The following NTM variants were observed in gnomAD, a reference collection of about 807,000 sequenced individuals.
NTM encodes neurotrimin.
In NTM, 13 loss-of-function variants were observed where a neutral mutation model predicts 42.1. The observed-to-expected ratio is 0.31, with a 90% CI of 0.20 to 0.49. NTM has a LOEUF of 0.49. NTM is among the 20% of genes least tolerant of loss of function. The probability of loss-of-function intolerance (pLI) is 0.99; values close to 1 mark genes in which losing one functional copy is unlikely to be tolerated. For synonymous variants in NTM, 187 were observed against 179.2 expected (o/e 1.04, Z -0.35); for missense variants, 373 against 452.8 (o/e 0.82, Z 1.60).
chr11:131,806,570 C>A (rs567626259), intron 1 of NTM, among the ~76,000 whole-genome samples: 37 of 152,174 alleles, frequency 2.4e-4, no homozygotes, highest in African/African-American at 8.4e-4. Flanking sequence ...TTTATATTAT[C>A]TGTACTACCC....
chr11:131,615,080 C>T (rs968830112), intron 1 of NTM, among the ~76,000 whole-genome samples: 4 of 152,232 alleles, frequency 2.6e-5, no homozygotes, highest in Non-Finnish European at 4.4e-5. Flanking sequence ...TGAGCAGATA[C>T]ATTTCTAGAC....
At chr11:131,868,116 G>C (rs937923470) in intron 1 of NTM, among the ~76,000 whole-genome samples, 2 of 152,110 alleles carry the variant, frequency 1.3e-5, no homozygotes, top group Non-Finnish European at 2.9e-5. Flanking sequence ...GGAGATAAGG[G>C]TCCCCCTGTA....
Position 131,932,659 on chromosome 11 carries a change from A to G in NTM, c.167+21011A>G, listed in dbSNP as rs201776546. Among the ~76,000 whole-genome samples, 21 of 152,324 alleles carry G rather than the reference A, an allele frequency of 1.4e-4. 1 individual carries two copies. In the South Asian group the frequency reaches 4.3e-3, roughly 32 times the overall value. On this transcript the variant is annotated intron_variant, in intron 2 of 8. Coordinates refer to ENST00000683400, the MANE Select transcript of NTM (RefSeq NM_001352005.2). ...ATCAGCAGACAAGGAATAGGAGATG[A>G]TGCTGATGGTGGTGATGATTTATAC...
At chr11:131,801,904 C>A (rs577596674) in intron 1 of NTM, among the ~76,000 whole-genome samples, 1 of 152,136 alleles carries the variant, frequency 6.6e-6, no homozygotes, top group East Asian at 1.9e-4. Flanking sequence ...CTGTGCCACC[C>A]ACACAGACCT....
chr11:131,405,134 C>T (rs956491054), intron 1 of NTM, among the ~76,000 whole-genome samples: 3 of 152,070 alleles, frequency 2.0e-5, no homozygotes, highest in African/African-American at 7.2e-5. Context: ...TGGGCAAATC[C>T]CTTGGAATAG....
At chr11:131,686,801 T>G (rs527940097) in intron 1 of NTM, among the ~76,000 whole-genome samples, 1 of 152,260 alleles carries the variant, frequency 6.6e-6, no homozygotes, top group South Asian at 2.1e-4. Context: ...TTGATTTCCT[T>G]TGATGTTTTC....
At chr11:132,196,687 C>T (rs961839373) in intron 3 of NTM, among the ~76,000 whole-genome samples, 1 of 152,044 alleles carries the variant, frequency 6.6e-6, no homozygotes, top group African/African-American at 2.4e-5. Context: ...ACACCAAATA[C>T]GGCATGTTCC....
intron 2 of NTM, among the ~76,000 whole-genome samples, chr11:131,960,884 G>T (rs779261788): frequency 6.6e-6 from 1 of 152,170 alleles, no homozygotes; most frequent in Non-Finnish European, 1.5e-5. Flanking sequence ...AGATTCAGGT[G>T]CAGGAGGGTC....
At chr11:131,383,065 CCT>C (rs1333481173) in intron 1 of NTM, among the ~76,000 whole-genome samples, 4 of 152,094 alleles carry the variant, frequency 2.6e-5, no homozygotes, top group Non-Finnish European at 5.9e-5. Flanking sequence ...CTTTATTGCC[CCT>C]GTGTCCATTG....
chr11:131,487,862 C>T (rs944216935), intron 1 of NTM, among the ~76,000 whole-genome samples: 28 of 152,138 alleles, frequency 1.8e-4, no homozygotes, highest in African/African-American at 6.0e-4. Context: ...GGAGAAGGGA[C>T]GGAATGGGGA....
intron 1 of NTM, among the ~76,000 whole-genome samples, chr11:131,678,883 G>A (rs2071917848): frequency 6.6e-6 from 1 of 152,224 alleles, no homozygotes; most frequent in Admixed American, 6.5e-5. Context: ...GAGAGAGAGT[G>A]GTTCAGGAGC....
intron 2 of NTM, among the ~76,000 whole-genome samples, chr11:132,045,163 T>C (rs919693014): frequency 1.3e-5 from 2 of 152,174 alleles, no homozygotes. Context: ...AGGCTGTCTG[T>C]TGCGTTCTGT....
intron 1 of NTM, chr11:131,537,811 A>G (rs2052515688): frequency 6.6e-6 from 1 of 152,374 alleles, no homozygotes; most frequent in African/African-American, 2.4e-5. Flanking sequence ...TGCACTAAGC[A>G]TGGATTCCAT....
chr11:132,066,195 GTCT>G (rs1174517534), intron 2 of NTM, among the ~76,000 whole-genome samples: 5 of 152,284 alleles, frequency 3.3e-5, no homozygotes, highest in South Asian at 4.1e-4. Context: ...TTTGAACAGT[GTCT>G]TCTTCTCAGA....
At chr11:132,009,010 G>A (rs507497) in intron 2 of NTM, among the ~76,000 whole-genome samples, 28,325 of 151,904 alleles carry the variant, frequency 0.19, 2,972 homozygotes, top group African/African-American at 0.28. Context: ...TGAAAGAAAG[G>A]CAGGCAGACA....
At chr11:132,005,670 A>G (rs2135360659) in intron 2 of NTM, among the ~76,000 whole-genome samples, 1 of 152,298 alleles carries the variant, frequency 6.6e-6, no homozygotes, top group South Asian at 2.1e-4. Context: ...ACCATCCAAC[A>G]TGCTAATTGT....
intron 1 of NTM, among the ~76,000 whole-genome samples, chr11:131,527,350 A>G (rs2050646818): frequency 1.3e-5 from 2 of 152,048 alleles, no homozygotes; most frequent in Admixed American, 1.3e-4. Flanking sequence ...CTTCATCTCT[A>G]GTTCTATAAC....
At chr11:131,492,910 G>A (rs11819975) in intron 1 of NTM, among the ~76,000 whole-genome samples, 4 of 152,120 alleles carry the variant, frequency 2.6e-5, no homozygotes, top group Admixed American at 2.6e-4. Context: ...ACCTGTATGA[G>A]AGAAGCAGGA....
intron 1 of NTM, chr11:131,770,726 A>G (rs932149140): frequency 6.6e-6 from 1 of 152,102 alleles, no homozygotes. Context: ...TCTCTCTCCC[A>G]GTTGGGAACA....
Sources: gnomAD v4.1 joint callset for allele counts (sites outside exome capture counted in the v4.1 genomes callset) on GRCh38, gnomAD v4.1.1 for gene constraint, MANE v1.5 for transcripts, NCBI Gene and HGNC (gene_info 2026-07-23, HGNC 2026-07-21) for gene names.